The following RHBDD1 variants were observed in gnomAD, a reference collection of about 807,000 sequenced individuals.
The protein encoded by RHBDD1 is rhomboid domain containing 1.
In RHBDD1, 38 loss-of-function variants were observed where a neutral mutation model predicts 36.3. That is an observed-to-expected ratio of 1.05 (90% CI 0.81 to 1.37). RHBDD1 has a LOEUF of 1.37. Among genes scored for constraint, RHBDD1 ranks in the 40% most tolerant of loss-of-function variants. The pLI is 0.00. For missense variants in RHBDD1, 393 were observed against 377.6 expected, an observed-to-expected ratio of 1.04 and a Z score of -0.34; for synonymous variants, 151 against 136.5, an observed-to-expected ratio of 1.11 and a Z score of -0.74.
At chr2:226,933,032 G>C (rs529198447) in intron 8 of RHBDD1, among the ~76,000 whole-genome samples, 1 of 152,078 alleles carries the variant, frequency 6.6e-6, no homozygotes, top group Non-Finnish European at 1.5e-5. Context: ...CACGTTCTTC[G>C]CAGGGTGGCA....
chr2:226,976,931 A>G (rs952023903), intron 8 of RHBDD1, among the ~76,000 whole-genome samples: 1 of 152,146 alleles, frequency 6.6e-6, no homozygotes, highest in Non-Finnish European at 1.5e-5. Flanking sequence ...TGAAAGAGCC[A>G]TTATCTATTT....
At chr2:226,993,381 A>G (rs1044659764) in intron 8 of RHBDD1, among the ~76,000 whole-genome samples, 6 of 152,180 alleles carry the variant, frequency 3.9e-5, no homozygotes, top group Admixed American at 3.3e-4. Context: ...GCCATCTGGA[A>G]TGAGGTGTCA....
chr2:226,822,633 C>CA, the RHBDD1 span, among the ~76,000 whole-genome samples: 6,870 of 71,258 alleles, frequency 0.096, 278 homozygotes, highest in African/African-American at 0.15. Context: ...TATTTTGTCT[C>CA]AAAAAAAAAA....
Position 226,838,626 on chromosome 2 carries a change from AAG to A in RHBDD1, c.-310+473_-310+474del, listed in dbSNP as rs538020415. Among the ~76,000 whole-genome samples, 316 of 152,358 alleles carry A rather than the reference AAG, an allele frequency of 2.1e-3. 4 individuals carry two copies. The highest frequency in any genetic ancestry group is 7.3e-3 in the African/African-American group (303 of 41,586). ...TGTTGTGTGTCGGACAAAGGGAAAA[AAG>A]GTATTTGTTGTCTCAAACCTAACTT... On this transcript the variant is annotated intron_variant, in intron 2 of 8. Coordinates refer to ENST00000392062, the MANE Select transcript of RHBDD1 (RefSeq NM_001167608.3).
At chr2:226,831,536 C>T (rs542834641), upstream of RHBDD1, among the ~76,000 whole-genome samples, 1 of 152,126 alleles carries the variant, frequency 6.6e-6, no homozygotes, top group Admixed American at 6.5e-5. Context: ...CCAAGGAGCA[C>T]CAAGAAAGGC....
At chr2:226,959,542 G>C (rs1296280768) in intron 8 of RHBDD1, among the ~76,000 whole-genome samples, 1 of 152,158 alleles carries the variant, frequency 6.6e-6, no homozygotes, top group Non-Finnish European at 1.5e-5. Flanking sequence ...AATTTACTCA[G>C]CATAGCTACT....
At chr2:226,968,664 CAT>C (rs1034776186) in intron 8 of RHBDD1, among the ~76,000 whole-genome samples, 5 of 152,316 alleles carry the variant, frequency 3.3e-5, no homozygotes, top group South Asian at 2.1e-4. Context: ...CTCTCCGAAA[CAT>C]GTGCCATTTG....
chr2:226,985,748 C>A (rs1417684863), intron 8 of RHBDD1, among the ~76,000 whole-genome samples: 1 of 152,200 alleles, frequency 6.6e-6, no homozygotes, highest in Non-Finnish European at 1.5e-5. Context: ...CGTTAGCAGA[C>A]CCCACTTCAC....
intron 8 of RHBDD1, among the ~76,000 whole-genome samples, chr2:226,978,903 G>A (rs889181735): frequency 6.6e-6 from 1 of 152,160 alleles, no homozygotes; most frequent in African/African-American, 2.4e-5. Flanking sequence ...AGAATGGCTG[G>A]TAGGAAGACA....
At chr2:226,844,740 G>T (rs957605561) in intron 3 of RHBDD1, among the ~76,000 whole-genome samples, 1 of 152,108 alleles carries the variant, frequency 6.6e-6, no homozygotes, top group Non-Finnish European at 1.5e-5. Flanking sequence ...GCTGTCAGTT[G>T]GAGAACTTTA....
the RHBDD1 span, among the ~76,000 whole-genome samples, chr2:226,802,004 C>T: frequency 1.3e-5 from 2 of 152,002 alleles, no homozygotes; most frequent in East Asian, 1.9e-4. Context: ...GGCCCTGTCC[C>T]TACCTCCGTC....
At chr2:226,905,102 A>G (rs1947939132) in intron 5 of RHBDD1, among the ~76,000 whole-genome samples, 1 of 149,844 alleles carries the variant, frequency 6.7e-6, no homozygotes, top group East Asian at 2.0e-4. Flanking sequence ...TCAGTTTCCC[A>G]CCTTCTGGAA....
chr2:226,874,624 G>A lies in RHBDD1; in HGVS notation c.566+7306G>A, dbSNP rs192704182. Among the ~76,000 whole-genome samples the A allele has an allele frequency of 3.5e-3, 526 of 152,116 alleles. 1 individual carries two copies. The highest frequency in any genetic ancestry group is 6.2e-3 in the Non-Finnish European group (422 of 67,982). ...TTTCTATCTGTGTTAAATATCCCTC[G>A]TCTCTTTCTTATCAGGACACTTGTG... is the stretch of plus-strand genomic sequence containing the variant. On this transcript the variant is annotated intron_variant, in intron 5 of 8. Coordinates refer to ENST00000392062, the MANE Select transcript of RHBDD1 (RefSeq NM_001167608.3).
At chr2:226,952,780 G>A (rs1478508983) in intron 8 of RHBDD1, among the ~76,000 whole-genome samples, 2 of 152,278 alleles carry the variant, frequency 1.3e-5, no homozygotes, top group Middle Eastern at 3.4e-3. Context: ...TGCCCTCAGG[G>A]AATGTGGTCA....
At chr2:226,933,704 C>A (rs1394202571) in intron 8 of RHBDD1, among the ~76,000 whole-genome samples, 2 of 151,526 alleles carry the variant, frequency 1.3e-5, no homozygotes, top group African/African-American at 4.9e-5. Flanking sequence ...GGAGGCTGCC[C>A]AATTAAAAAA....
At chr2:226,884,266 G>A (rs1478988091) in intron 5 of RHBDD1, among the ~76,000 whole-genome samples, 1 of 151,978 alleles carries the variant, frequency 6.6e-6, no homozygotes, top group Admixed American at 6.6e-5. Flanking sequence ...CATGAGGACT[G>A]TTTTCCATTT....
the RHBDD1 span, among the ~76,000 whole-genome samples, chr2:226,826,917 A>G: frequency 1.3e-5 from 2 of 152,228 alleles, no homozygotes. Flanking sequence ...AGAAAAGATC[A>G]TTATAAGAAT....
intron 7 of RHBDD1, among the ~76,000 whole-genome samples, chr2:226,913,691 C>G (rs914817737): frequency 1.3e-5 from 2 of 152,008 alleles, no homozygotes; most frequent in African/African-American, 2.4e-5. Context: ...GCTATAATCT[C>G]TGACATAGAA....
intron 8 of RHBDD1, among the ~76,000 whole-genome samples, chr2:226,915,995 A>C (rs1159182767): frequency 6.6e-6 from 1 of 152,210 alleles, no homozygotes; most frequent in Non-Finnish European, 1.5e-5. Context: ...CTTCTTCTAC[A>C]TGCCTGCCTG....
Sources: allele counts gnomAD v4.1 joint callset (sites outside exome capture counted in the v4.1 genomes callset), GRCh38; gene constraint gnomAD v4.1.1; transcripts MANE v1.5; gene names NCBI Gene and HGNC (gene_info 2026-07-23, HGNC 2026-07-21).